Variants in OSBPL2 observed in about 807,000 individuals in gnomAD.
OSBPL2 encodes oxysterol binding protein like 2, also known as oxysterol-binding protein-related protein 2.
A neutral mutation model predicts 58.4 loss-of-function variants in OSBPL2; 18 were observed. The ratio of observed to expected loss-of-function variants is 0.31; its 90% CI spans 0.21 to 0.46. The LOEUF is 0.46. Among genes scored for constraint, OSBPL2 ranks in the 20% least tolerant of loss-of-function variants. OSBPL2 has a pLI of 1.00. For synonymous variants in OSBPL2, 221 were observed against 234.1 expected (o/e 0.94, Z 0.51); for missense variants, 461 against 616.5 (o/e 0.75, Z 2.67).
intron 4 of OSBPL2, among the ~76,000 whole-genome samples, chr20:62,265,716 TG>T (rs750654598): frequency 1.3e-5 from 2 of 152,266 alleles, no homozygotes; most frequent in Non-Finnish European, 2.9e-5. Context: ...TTTTCTGCAA[TG>T]TTTTTTGTAC....
chr20:62,276,287 C>T (rs2145957835), intron 6 of OSBPL2, among the ~76,000 whole-genome samples: 1 of 152,304 alleles, frequency 6.6e-6, no homozygotes, highest in South Asian at 2.1e-4. Flanking sequence ...GACTCTTTTC[C>T]AGTGTGTAAA....
intron 5 of OSBPL2, among the ~76,000 whole-genome samples, chr20:62,272,891 G>A (rs550136409): frequency 6.6e-6 from 1 of 152,202 alleles, no homozygotes; most frequent in Non-Finnish European, 1.5e-5. Flanking sequence ...GTGAGACCCT[G>A]TGTCTAAAAA....
intron 1 of OSBPL2, among the ~76,000 whole-genome samples, chr20:62,246,518 T>C (rs1317355564): frequency 1.3e-5 from 2 of 152,230 alleles, no homozygotes; most frequent in Non-Finnish European, 2.9e-5. Context: ...TGAGGGCTTC[T>C]AGGCGTCCGG....
At chr20:62,282,013 C>T in intron 9 of OSBPL2, 134 bp downstream of exon 9, 1 of 513,764 alleles carries the variant, frequency 1.9e-6, no homozygotes, top group Admixed American at 3.2e-5. Context: ...TGTTCATGGT[C>T]CAGAAGTATG....
chr20:62,240,062 A>G (rs1282315483), intron 1 of OSBPL2, among the ~76,000 whole-genome samples: 2 of 152,128 alleles, frequency 1.3e-5, no homozygotes, highest in Non-Finnish European at 2.9e-5. Context: ...CATGTTGGCC[A>G]GGCTGGTCTC....
Position 62,288,502 on chromosome 20 carries a change from G to A in OSBPL2, c.1126-705G>A, listed in dbSNP as rs2145977011. 6.7e-6 allele frequency among the ~76,000 whole-genome samples: 1 copy of A among 150,226 alleles called. No individual in the cohort carries two copies. Among genetic ancestry groups the A allele is most frequent in the South Asian group, 2.2e-4 (1 of 4,614 alleles). ...GTGGGTGCAGAGGCTGGGAGGCTGT[G>A]GGTGCAGAGGCCGGAGGCTGTGGGT... On this transcript the variant is annotated intron_variant, in intron 11 of 13. Transcript: ENST00000313733. The surrounding 1 kb of genome is among the most constrained non-coding windows in gnomAD (Gnocchi z 4.8).
At chr20:62,290,144 C>T (rs1221130453) in intron 12 of OSBPL2, among the ~76,000 whole-genome samples, 1 of 152,174 alleles carries the variant, frequency 6.6e-6, no homozygotes, top group Non-Finnish European at 1.5e-5. Context: ...AGATGAACAA[C>T]TTTCTCACTC....
chr20:62,292,513 T>G (rs1335861750), intron 13 of OSBPL2, among the ~76,000 whole-genome samples: 1 of 152,242 alleles, frequency 6.6e-6, no homozygotes, highest in Non-Finnish European at 1.5e-5. Context: ...GTAACTGTCC[T>G]AAGCTGGCTG....
At chr20:62,260,179 A>G in intron 3 of OSBPL2, 54 bp downstream of exon 3, 1 of 1,563,364 alleles carries the variant, frequency 6.4e-7, no homozygotes, top group Middle Eastern at 1.7e-4. Flanking sequence ...CACCCCAAAA[A>G]TACTCTGCAG....
At chr20:62,268,188 C>T (rs1029668885) in intron 4 of OSBPL2, among the ~76,000 whole-genome samples, 39 of 151,742 alleles carry the variant, frequency 2.6e-4, no homozygotes, top group African/African-American at 8.7e-4. Flanking sequence ...TGAGCCACCG[C>T]GCCCGGCCAA....
intron 1 of OSBPL2, 36 bp from the exon 2 acceptor site, chr20:62,256,021 T>C (rs1980897380): frequency 1.6e-6 from 1 of 621,440 alleles, no homozygotes. Context: ...GTGAAACTTC[T>C]GGAAGCTAAG....
intron 1 of OSBPL2, among the ~76,000 whole-genome samples, chr20:62,243,475 G>C (rs62204467): frequency 2.3e-4 from 14 of 61,494 alleles, no homozygotes; most frequent in Non-Finnish European, 4.7e-4. Flanking sequence ...GCGCCTGCCC[G>C]GCAGCTCCGC....
chr20:62,282,644 T>G (rs1982865363), intron 9 of OSBPL2, among the ~76,000 whole-genome samples: 1 of 152,144 alleles, frequency 6.6e-6, no homozygotes, highest in South Asian at 2.1e-4. Flanking sequence ...CTGGCCAACA[T>G]GGTAAAACCC....
chr20:62,274,310 A>G (rs533625361), intron 6 of OSBPL2, among the ~76,000 whole-genome samples: 2 of 152,332 alleles, frequency 1.3e-5, no homozygotes, highest in South Asian at 4.1e-4. Context: ...CAGTGTGGTA[A>G]TTCCTCAGCC....
chr20:62,264,065 CAAAAA>C (rs11476225), intron 4 of OSBPL2, among the ~76,000 whole-genome samples: 1 of 98,006 alleles, frequency 1.0e-5, no homozygotes, highest in African/African-American at 3.8e-5. Flanking sequence ...GATTCCATCT[CAAAAA>C]AAAAAAAAAA....
rs886350142 is a variant in OSBPL2 at position 62,288,643 on chromosome 20, G to A, written c.1126-564G>A. On this transcript the variant is annotated intron_variant, in intron 11 of 13. Coordinates refer to ENST00000313733, the MANE Select transcript of OSBPL2 (RefSeq NM_144498.4). The surrounding 1 kb of genome is among the most constrained non-coding windows in gnomAD (Gnocchi z 4.8). Reference sequence around the variant, plus strand: ...GCAGGGTGCTGCCGCAGGCCTGCTCGGGTGTGCTGTCCACAAGACGCCGAG... The same window carrying A: ...GCAGGGTGCTGCCGCAGGCCTGCTCAGGTGTGCTGTCCACAAGACGCCGAG... Among the ~76,000 whole-genome samples the A allele has an allele frequency of 1.3e-5, 2 of 152,106 alleles. No homozygotes were observed. Among genetic ancestry groups the A allele is most frequent in the Admixed American group, 6.5e-5 (1 of 15,270 alleles).
At chr20:62,263,569 A>G (rs763607130) in intron 3 of OSBPL2, 47 bp from the exon 4 acceptor site, 14 of 1,419,416 alleles carry the variant, frequency 9.9e-6, no homozygotes, top group Non-Finnish European at 1.4e-5. Context: ...GAGTGGTCAG[A>G]GTCCTGTGTT....
intron 10 of OSBPL2, 94 bp from the exon 11 acceptor site, chr20:62,286,489 G>T (rs1160441098): frequency 2.1e-6 from 3 of 1,398,012 alleles, no homozygotes; most frequent in African/African-American, 2.9e-5. Flanking sequence ...CTCTGCTCAG[G>T]TGACTGGTCT....
In OSBPL2 at chr20:62,260,082, A is replaced by G. The variant is rs1276395020; in HGVS notation, c.139A>G (p.Thr47Ala). ...DTSKNNRIGK[T>A]GERPSQENGI... The stretch of plus-strand genomic sequence containing the variant: ...CAGCAAAAATAATAGGATTGGGAAA[A>G]CTGGGGAGAGGCCCTCTCAAGAGAA... Residue 47 changes from threonine to alanine, a missense_variant, in exon 3 of 14, where the codon ACT (threonine) becomes GCT (alanine). By Grantham distance (58) the Thr-to-Ala change is moderately conservative (BLOSUM62 0). Around this residue, in one of 5 missense-constraint regions of OSBPL2, gnomAD observed 80 missense variants for 74.8 expected, o/e 1.07. Coordinates refer to ENST00000313733, the MANE Select transcript of OSBPL2 (RefSeq NM_144498.4). 1 of 1,614,006 alleles carries G rather than the reference A, an allele frequency of 6.2e-7. No homozygotes were observed. The highest frequency in any genetic ancestry group is 8.5e-7 in the Non-Finnish European group (1 of 1,179,932).
Sources: allele counts gnomAD v4.1 joint callset (sites outside exome capture counted in the v4.1 genomes callset), GRCh38; gene constraint gnomAD v4.1.1; regional missense constraint gnomAD v4.1.1; non-coding constraint Gnocchi (gnomAD v3.1); transcripts MANE v1.5; gene names NCBI Gene and HGNC (gene_info 2026-07-23, HGNC 2026-07-21).